Variants in TMC1 observed in about 807,000 individuals in gnomAD.
TMC1 encodes the protein transmembrane channel like 1.
A neutral mutation model predicts 105.8 loss-of-function variants in TMC1; 84 were observed. That is an observed-to-expected ratio of 0.79 (90% CI 0.67 to 0.95). TMC1 has a LOEUF of 0.95. TMC1 is among the 40% of genes least tolerant of loss of function. The pLI, the probability that TMC1 is intolerant of heterozygous loss-of-function variation, is 0.00. For synonymous variants in TMC1, 315 were observed against 311.5 expected, an observed-to-expected ratio of 1.01 and a Z score of -0.12; for missense variants, 817 against 914.1, an observed-to-expected ratio of 0.89 and a Z score of 1.37.
rs957040845 is a variant in TMC1 at position 72,806,593 on chromosome 9, C to G, written c.1695+1083C>G. ...CTCCTCACTTCTCAGATGGGGCGGC[C>G]GGGCAGAGATGCTCCTCACCTCCCA... On this transcript the variant is annotated intron_variant, in intron 18 of 23. Coordinates refer to ENST00000297784, the MANE Select transcript of TMC1 (RefSeq NM_138691.3). Among the ~76,000 whole-genome samples, 11 of 149,156 alleles carry G rather than the reference C, an allele frequency of 7.4e-5. 1 individual carries two copies. The highest frequency in any genetic ancestry group is 1.5e-4 in the African/African-American group (6 of 40,058).
intron 17 of TMC1, among the ~76,000 whole-genome samples, chr9:72,798,400 A>G (rs1259125562): frequency 3.3e-5 from 5 of 152,144 alleles, no homozygotes; most frequent in African/African-American, 1.2e-4. Context: ...ATAAAGACAC[A>G]GGCATGTGAA....
chr9:72,665,831 G>A (rs1211323447), intron 5 of TMC1, among the ~76,000 whole-genome samples: 1 of 152,206 alleles, frequency 6.6e-6, no homozygotes, highest in Non-Finnish European at 1.5e-5. Flanking sequence ...GTAGATGTAT[G>A]CACTACCAAC....
chr9:72,652,026 G>A (rs1388197512), intron 5 of TMC1, among the ~76,000 whole-genome samples: 1 of 152,090 alleles, frequency 6.6e-6, no homozygotes, highest in Non-Finnish European at 1.5e-5. Flanking sequence ...CCACTCCCGA[G>A]TTGCTTCACT....
intron 12 of TMC1, among the ~76,000 whole-genome samples, chr9:72,760,286 T>C (rs1166398585): frequency 6.6e-6 from 1 of 152,194 alleles, no homozygotes; most frequent in Non-Finnish European, 1.5e-5. Context: ...ATAGAGGTGC[T>C]CACTCTGTAT....
At chr9:72,689,741 C>T (rs948346566) in intron 6 of TMC1, among the ~76,000 whole-genome samples, 6 of 152,096 alleles carry the variant, frequency 3.9e-5, no homozygotes, top group East Asian at 1.9e-4. Context: ...ATATTTTGTC[C>T]GATGTAAGTA....
intron 5 of TMC1, among the ~76,000 whole-genome samples, chr9:72,672,885 C>CACA (rs1554719831): frequency 5.3e-5 from 8 of 150,550 alleles, no homozygotes; most frequent in African/African-American, 2.0e-4. Flanking sequence ...TATGCACACA[C>CACA]ACACATCAGC....
chr9:72,581,980 G>A (rs1055806501), intron 2 of TMC1, among the ~76,000 whole-genome samples: 2 of 152,004 alleles, frequency 1.3e-5, no homozygotes, highest in Admixed American at 1.3e-4. Flanking sequence ...TTTTTGAGAC[G>A]GAGTTTCGCT....
Position 72,697,469 on chromosome 9 carries a change from CTG to C in TMC1, c.236+2757_236+2758del, listed in dbSNP as rs542596532. Among the ~76,000 whole-genome samples, 28 of 152,190 alleles carry C rather than the reference CTG, an allele frequency of 1.8e-4. No individual in the cohort carries two copies. The East Asian group carries it at 5.2e-3, about 28-fold the overall frequency. ...GCTTGGAGTCTCAGAGAAGTGAAAACTGTTCTCACAGGGATAGTTAGAAAAGG... is the reference window on the plus strand; with the variant it reads ...GCTTGGAGTCTCAGAGAAGTGAAAACTTCTCACAGGGATAGTTAGAAAAGG... On this transcript the variant is annotated intron_variant, in intron 7 of 23. Transcript: ENST00000297784.
intron 10 of TMC1, among the ~76,000 whole-genome samples, chr9:72,749,679 C>CTT (rs1384428653): frequency 6.6e-6 from 1 of 152,070 alleles, no homozygotes; most frequent in Admixed American, 6.5e-5. Context: ...TCCAAATTCT[C>CTT]TTGTGAGCAT....
At chr9:72,631,078 G>A (rs1371379690) in intron 4 of TMC1, among the ~76,000 whole-genome samples, 1 of 152,026 alleles carries the variant, frequency 6.6e-6, no homozygotes, top group Non-Finnish European at 1.5e-5. Context: ...ATGTTGGTCA[G>A]GCTAGTCTCA....
At chr9:72,709,058 A>G (rs1826792107) in intron 8 of TMC1, among the ~76,000 whole-genome samples, 1 of 151,948 alleles carries the variant, frequency 6.6e-6, no homozygotes, top group Non-Finnish European at 1.5e-5. Flanking sequence ...CAAAAGAAAG[A>G]AGAGAAAACC....
At chr9:72,680,270 A>G (rs1269745987) in intron 5 of TMC1, among the ~76,000 whole-genome samples, 2 of 152,088 alleles carry the variant, frequency 1.3e-5, no homozygotes, top group Non-Finnish European at 2.9e-5. Context: ...GAATTATTTT[A>G]ATTATATTAC....
At chr9:72,643,046 C>T (rs531457577) in intron 4 of TMC1, among the ~76,000 whole-genome samples, 5 of 152,102 alleles carry the variant, frequency 3.3e-5, no homozygotes, top group African/African-American at 7.2e-5. Flanking sequence ...GACTTATTCA[C>T]GTTGTTATAT....
chr9:72,699,830 G>A (rs937126129), intron 7 of TMC1, among the ~76,000 whole-genome samples: 8 of 151,644 alleles, frequency 5.3e-5, no homozygotes, highest in East Asian at 1.9e-4. Context: ...GATGGCAGAT[G>A]CCTGTAATCC....
intron 20 of TMC1, among the ~76,000 whole-genome samples, chr9:72,822,761 A>G (rs1828897027): frequency 6.6e-6 from 1 of 152,248 alleles, no homozygotes; most frequent in Non-Finnish European, 1.5e-5. Flanking sequence ...TTAGGTGTGC[A>G]TTAAGCTATT....
rs939965909 is a variant in TMC1, at chr9:72,836,109, G to A, written c.*136G>A. The A allele has an allele frequency of 2.0e-6, 2 of 1,025,492 alleles. No homozygotes were observed. The highest frequency in any genetic ancestry group is 1.3e-5 in the South Asian group (1 of 78,678). 63.5% of individuals were successfully genotyped at this position (1,025,492 alleles called of 1,614,324 possible). On this transcript the variant is annotated 3_prime_UTR_variant, in exon 24 of 24. Coordinates refer to ENST00000297784, the MANE Select transcript of TMC1 (RefSeq NM_138691.3). Reference sequence around the variant, plus strand: ...ACCCTTGATGGATTTTCAAGGTCATGCTGGCCAATTAAGGCATCATCAGTC... The same window carrying A: ...ACCCTTGATGGATTTTCAAGGTCATACTGGCCAATTAAGGCATCATCAGTC...
At chr9:72,697,094 A>G (rs1456103393) in intron 7 of TMC1, among the ~76,000 whole-genome samples, 5 of 152,192 alleles carry the variant, frequency 3.3e-5, no homozygotes, top group Admixed American at 3.3e-4. Context: ...CTTAAAAGAT[A>G]TACCAATCTG....
chr9:72,728,660 C>T (rs991373885), intron 8 of TMC1, among the ~76,000 whole-genome samples: 1 of 152,046 alleles, frequency 6.6e-6, no homozygotes, highest in African/African-American at 2.4e-5. Context: ...TACAACCTCC[C>T]AAATTTTGGT....
intron 1 of TMC1, among the ~76,000 whole-genome samples, chr9:72,574,207 C>T (rs756551445): frequency 5.3e-4 from 81 of 152,184 alleles, no homozygotes; most frequent in Non-Finnish European, 1.0e-3. Context: ...GGAAACAAAG[C>T]ATTTTTGAAA....
Sources: allele counts gnomAD v4.1 joint callset (sites outside exome capture counted in the v4.1 genomes callset), GRCh38; gene constraint gnomAD v4.1.1; transcripts MANE v1.5; gene names NCBI Gene and HGNC (gene_info 2026-07-23, HGNC 2026-07-21).